Variants in CD276 observed in about 807,000 individuals in gnomAD.
CD276 encodes CD276 antigen.
A neutral mutation model predicts 50.0 loss-of-function variants in CD276; 34 were observed. The observed-to-expected ratio is 0.68, with a 90% CI of 0.52 to 0.91. The LOEUF is 0.91. Among genes scored for constraint, CD276 ranks in the 40% least tolerant of loss-of-function variants. CD276 has a pLI of 0.00. For synonymous variants in CD276, 275 were observed against 313.0 expected (o/e 0.88, Z 1.28); for missense variants, 634 against 717.5 (o/e 0.88, Z 1.33).
intron 2 of CD276, among the ~76,000 whole-genome samples, chr15:73,700,111 C>T (rs11574474): frequency 0.082 from 12,429 of 152,056 alleles, 708 homozygotes; most frequent in African/African-American, 0.15. Context: ...TATAAAATAG[C>T]ACACCTCCGC....
intron 6 of CD276, among the ~76,000 whole-genome samples, chr15:73,707,235 C>T (rs989527042): frequency 6.6e-6 from 1 of 152,264 alleles, no homozygotes; most frequent in African/African-American, 2.4e-5. Context: ...CCTGGGTGTG[C>T]ATCGTCTCCA....
intron 6 of CD276, among the ~76,000 whole-genome samples, 177 bp from the exon 7 acceptor site, chr15:73,708,162 G>A (rs11574490): frequency 0.14 from 22,001 of 152,238 alleles, 1,922 homozygotes; most frequent in African/African-American, 0.24. Context: ...AGCCAGGGTT[G>A]TATCAGGGTT....
Position 73,708,555 on chromosome 15 carries a change from T to G in CD276, c.1504+82T>G. ...GTTGCTGTCTTTGATGTCAATAGAG[T>G]GTCACTTTCTAGTGACAGAACGAGT... is the stretch of plus-strand genomic sequence containing the variant. On this transcript the variant is annotated intron_variant, in intron 7 of 9. Coordinates refer to ENST00000318443, the MANE Select transcript of CD276 (RefSeq NM_001024736.2). 3 of 1,472,314 alleles carry G rather than the reference T, an allele frequency of 2.0e-6. No homozygotes were observed. The South Asian group carries it at 3.8e-5, about 19-fold the overall frequency. The allele number at this position is 1,472,314 out of a possible 1,614,324, so 91.2% of individuals were successfully genotyped here. A position where few individuals can be genotyped will look rare whatever the true frequency, so the allele number is the denominator to read the frequency against.
At position 73,708,398 on chromosome 15, in the gene CD276, C is replaced by T; in HGVS notation, c.1429C>T (p.Leu477Phe). ...LWVTVGLSVCLIALLVALAFV... is the reference protein window; with the variant it reads ...LWVTVGLSVCFIALLVALAFV... Reference sequence around the variant, plus strand: ...GGTGACCGTGGGGCTGTCTGTCTGTCTCATTGCACTGCTGGTGGCCCTGGC... The same window carrying T: ...GGTGACCGTGGGGCTGTCTGTCTGTTTCATTGCACTGCTGGTGGCCCTGGC... The change falls in exon 7 of 10, where the codon CTC becomes TTC. Residue 477 changes from leucine (L) to phenylalanine (F), a missense_variant. By Grantham distance (22) the Leu-to-Phe change is conservative (BLOSUM62 0). Coordinates refer to ENST00000318443, the MANE Select transcript of CD276 (RefSeq NM_001024736.2). 3.1e-6 allele frequency: 5 copies of T among 1,614,142 alleles called. No individual in the cohort carries two copies. The highest frequency in any genetic ancestry group is 4.2e-6 in the Non-Finnish European group (5 of 1,180,010).
chr15:73,697,071 G>A (rs550402906), intron 1 of CD276, among the ~76,000 whole-genome samples: 131 of 152,304 alleles, frequency 8.6e-4, no homozygotes, highest in South Asian at 5.8e-3. Context: ...GGTGCTTCCC[G>A]CAGGGGTTGG....
At chr15:73,688,809 C>A (rs759541559) in intron 1 of CD276, among the ~76,000 whole-genome samples, 1 of 152,002 alleles carries the variant, frequency 6.6e-6, no homozygotes, top group Admixed American at 6.6e-5. Flanking sequence ...GGAGAGGGGT[C>A]GGCAGAGTTG....
Position 73,703,656 on chromosome 15 carries a change from C to G in CD276, c.734-3C>G. On this transcript the variant is annotated splice_region_variant and splice_polypyrimidine_tract_variant and intron_variant, in intron 4 of 9. Coordinates refer to ENST00000318443, the MANE Select transcript of CD276 (RefSeq NM_001024736.2). ...CACCCTGCCCCTCTGACCCCGCCCC[C>G]AGGAGCCGTGGAGGTCCAGGTCCCT... The G allele has an allele frequency of 2.5e-6, 4 of 1,603,790 alleles. No individual in the cohort carries two copies. Among genetic ancestry groups the G allele is most frequent in the Non-Finnish European group, 3.4e-6 (4 of 1,174,286 alleles).
At chr15:73,689,564 A>G (rs1156292927) in intron 1 of CD276, among the ~76,000 whole-genome samples, 2 of 152,196 alleles carry the variant, frequency 1.3e-5, no homozygotes, top group Non-Finnish European at 1.5e-5. Flanking sequence ...TAGAGCACCT[A>G]GTATTAACTA....
chr15:73,709,670 G>A lies in CD276; in HGVS notation c.1527G>A (p.Glu509=), dbSNP rs558629661. 35 of 1,613,050 alleles carry A rather than the reference G, an allele frequency of 2.2e-5. No homozygotes were observed. In the South Asian group the frequency reaches 3.7e-4, roughly 17 times the overall value. The change falls in exon 8 of 10, where the codon GAG becomes GAA. Residue 509 remains glutamate (E), a synonymous_variant. Transcript: ENST00000318443. Reference sequence around the variant, plus strand: ...CAGGAGCTGAGGACCAGGATGGGGAGGGAGAAGGCTCCAAGACAGGTGAGT... The same window carrying A: ...CAGGAGCTGAGGACCAGGATGGGGAAGGAGAAGGCTCCAAGACAGGTGAGT... ...ENAGAEDQDG[E]GEGSKTALQP...
chr15:73,699,101 A>G (rs532357015), intron 1 of CD276, among the ~76,000 whole-genome samples: 1 of 152,252 alleles, frequency 6.6e-6, no homozygotes, highest in South Asian at 2.1e-4. Context: ...ATTAATCTTC[A>G]TGAAGCTCAG....
chr15:73,690,847 T>A, intron 1 of CD276: 1 of 454,734 alleles, frequency 2.2e-6, no homozygotes, highest in Non-Finnish European at 4.4e-6. Flanking sequence ...TAGGAAGAGG[T>A]GAGGCTGGGC....
At chr15:73,690,693 C>T (rs184185211) in intron 1 of CD276, 1 of 455,992 alleles carries the variant, frequency 2.2e-6, no homozygotes, top group Non-Finnish European at 4.4e-6. Context: ...AATACTGTTA[C>T]AGTGGCAATT....
At chr15:73,696,173 G>A (rs1367102244) in intron 1 of CD276, among the ~76,000 whole-genome samples, 6 of 152,226 alleles carry the variant, frequency 3.9e-5, no homozygotes, top group Admixed American at 1.3e-4. Context: ...GGAGAAGGAC[G>A]AGGAGTGGGC....
chr15:73,698,021 G>A (rs564380913), intron 1 of CD276, among the ~76,000 whole-genome samples: 4 of 152,164 alleles, frequency 2.6e-5, no homozygotes, highest in Non-Finnish European at 5.9e-5. Flanking sequence ...CAAATGTTTA[G>A]GCAGCAGCTG....
intron 1 of CD276, chr15:73,690,655 T>C: frequency 4.4e-6 from 2 of 455,706 alleles, no homozygotes; most frequent in Non-Finnish European, 8.8e-6. Context: ...AGCATTAATC[T>C]CTTCACTTCT....
rs925979785 is a variant in CD276, at chr15:73,704,536, C to T, written c.1369+64C>T. On this transcript the variant is annotated intron_variant, in intron 6 of 9. Transcript: ENST00000318443. The surrounding 1 kb of genome is among the most constrained non-coding windows in gnomAD (Gnocchi z 4.1). ...TAACTCCCTCTTTACTGGACCCTAACGTGGAATTTCCATAGGTTTGGGTGG... is the reference window on the plus strand; with the variant it reads ...TAACTCCCTCTTTACTGGACCCTAATGTGGAATTTCCATAGGTTTGGGTGG... 2.7e-5 allele frequency: 42 copies of T among 1,532,966 alleles called. No homozygotes were observed. Among genetic ancestry groups the T allele is most frequent in the East Asian group, 4.8e-5 (2 of 41,290 alleles). The allele number at this position is 1,532,966 out of a possible 1,614,324, so 95.0% of individuals were successfully genotyped here.
At chr15:73,711,267 C>T in intron 9 of CD276, 97 bp downstream of exon 9, 1 of 1,300,230 alleles carries the variant, frequency 7.7e-7, no homozygotes, top group African/African-American at 1.5e-5. Context: ...CACTAGTGAC[C>T]TGAGGCCCCC....
chr15:73,699,647 G>A lies in CD276; in HGVS notation c.8G>A (p.Arg3His), dbSNP rs775892211. 1.9e-5 allele frequency: 30 copies of A among 1,613,578 alleles called. No homozygotes were observed. Among genetic ancestry groups the A allele is most frequent in the African/African-American group, 1.5e-4 (11 of 74,932 alleles). Residue 3 changes from arginine (R) to histidine (H), a missense_variant, in exon 2 of 10, where the codon CGT becomes CAT. Coordinates refer to ENST00000318443, the MANE Select transcript of CD276 (RefSeq NM_001024736.2). ...CAGCCGCCTCACAGGAAGATGCTGC[G>A]TCGGCGGGGCAGCCCTGGCATGGGT... is the stretch of plus-strand genomic sequence containing the variant. MLRRRGSPGMGVH... is the reference protein window; with the variant it reads MLHRRGSPGMGVH...
At chr15:73,695,844 A>G (rs1371442845) in intron 1 of CD276, among the ~76,000 whole-genome samples, 2 of 152,244 alleles carry the variant, frequency 1.3e-5, no homozygotes, top group African/African-American at 4.8e-5. Context: ...GTGTTGCCCA[A>G]GGAGCCCCTG....
Sources: gnomAD v4.1 joint callset for allele counts (sites outside exome capture counted in the v4.1 genomes callset) on GRCh38, gnomAD v4.1.1 for gene constraint, Gnocchi (gnomAD v3.1) non-coding constraint, MANE v1.5 for transcripts, NCBI Gene and HGNC (gene_info 2026-07-23, HGNC 2026-07-21) for gene names.